The following NAV2 variants were observed in gnomAD, a reference collection of about 807,000 sequenced individuals.
NAV2 encodes the protein helicase, APC down-regulated 1.
In NAV2, 54 loss-of-function variants were observed where a neutral mutation model predicts 223.2. That is an observed-to-expected ratio of 0.24 (90% CI 0.19 to 0.30). The LOEUF (loss-of-function observed/expected upper bound fraction) is 0.30. Ranked by LOEUF, NAV2 falls within the 10% of genes least tolerant of loss-of-function variation. The pLI, the probability that NAV2 is intolerant of heterozygous loss-of-function variation, is 1.00. For synonymous variants in NAV2, 1,279 were observed against 1,239.3 expected (o/e 1.03, Z -0.67); for missense variants, 2,806 against 3,147.5 (o/e 0.89, Z 2.60).
chr11:19,406,520 G>T (rs138675648), intron 1 of NAV2, among the ~76,000 whole-genome samples: 2 of 152,138 alleles, frequency 1.3e-5, no homozygotes, highest in African/African-American at 4.8e-5. Context: ...CTCTCCTCCA[G>T]GCTGGGCTTC....
At chr11:20,037,355 C>T (rs2056484730) in intron 12 of NAV2, among the ~76,000 whole-genome samples, 2 of 142,744 alleles carry the variant, frequency 1.4e-5, no homozygotes, top group Admixed American at 1.5e-4. Flanking sequence ...GGTATCTCTT[C>T]TTTGACAATA....
intron 1 of NAV2, among the ~76,000 whole-genome samples, chr11:19,693,221 A>G (rs1292090350): frequency 6.6e-6 from 1 of 152,222 alleles, no homozygotes; most frequent in Non-Finnish European, 1.5e-5. Context: ...CACCCTCCAC[A>G]GGGTCCCCTC....
intron 8 of NAV2, among the ~76,000 whole-genome samples, chr11:19,941,566 T>A (rs2046406448): frequency 6.6e-6 from 1 of 152,080 alleles, no homozygotes; most frequent in African/African-American, 2.4e-5. Flanking sequence ...TGCTTAGTTC[T>A]TCCTCTTACT....
chr11:20,041,534 G>A (rs1055211016), intron 12 of NAV2, among the ~76,000 whole-genome samples: 3 of 152,128 alleles, frequency 2.0e-5, no homozygotes, highest in African/African-American at 4.8e-5. Context: ...AACATTAAAA[G>A]AATAAATAAT....
intron 1 of NAV2, among the ~76,000 whole-genome samples, chr11:19,636,677 AC>A (rs2047512103): frequency 6.6e-6 from 1 of 151,926 alleles, no homozygotes; most frequent in Non-Finnish European, 1.5e-5. Context: ...TCACCATGTT[AC>A]CCAGGATGGT....
At chr11:19,746,876 T>C (rs187883404) in intron 1 of NAV2, among the ~76,000 whole-genome samples, 1 of 152,278 alleles carries the variant, frequency 6.6e-6, no homozygotes, top group Non-Finnish European at 1.5e-5. Context: ...CTACCTTTTA[T>C]TGAACACTCT....
At chr11:19,483,073 C>T (rs2042329564) in intron 1 of NAV2, among the ~76,000 whole-genome samples, 1 of 152,204 alleles carries the variant, frequency 6.6e-6, no homozygotes, top group African/African-American at 2.4e-5. Context: ...TTGCCAGACA[C>T]AGTGTTAAGT....
intron 6 of NAV2, among the ~76,000 whole-genome samples, chr11:19,904,539 T>C (rs2028605): frequency 0.97 from 147,632 of 152,258 alleles, 71,742 homozygotes; most frequent in East Asian, 1. Context: ...ATTGTGCCCA[T>C]GATCCCCATT....
intron 36 of NAV2, among the ~76,000 whole-genome samples, chr11:20,113,089 G>A (rs543880167): frequency 6.6e-6 from 1 of 152,316 alleles, no homozygotes; most frequent in Admixed American, 6.5e-5. Context: ...CACTGCCCTG[G>A]CTGTGAGCAT....
chr11:20,066,232 G>T (rs2059034634), intron 20 of NAV2, among the ~76,000 whole-genome samples: 1 of 152,146 alleles, frequency 6.6e-6, no homozygotes, highest in Non-Finnish European at 1.5e-5. Context: ...CTCTATCTTA[G>T]GTTCTTAAAA....
At chr11:19,636,086 C>T (rs1204854433) in intron 1 of NAV2, among the ~76,000 whole-genome samples, 1 of 152,194 alleles carries the variant, frequency 6.6e-6, no homozygotes, top group Non-Finnish European at 1.5e-5. Context: ...AAGCCTGAAT[C>T]TCACCTATTA....
intron 1 of NAV2, among the ~76,000 whole-genome samples, chr11:19,439,944 A>T (rs965804174): frequency 3.9e-5 from 6 of 152,228 alleles, no homozygotes; most frequent in African/African-American, 1.4e-4. Context: ...AAATTGGTTT[A>T]AAAAAATTAA....
At chr11:19,576,218 ACCCACTTGG>A (rs2045566143) in intron 1 of NAV2, among the ~76,000 whole-genome samples, 1 of 152,170 alleles carries the variant, frequency 6.6e-6, no homozygotes, top group African/African-American at 2.4e-5. Context: ...AAGGGATCAG[ACCCACTTGG>A]CCAGAGACTG....
At chr11:20,002,465 C>G (rs1279839786) in intron 11 of NAV2, among the ~76,000 whole-genome samples, 1 of 152,060 alleles carries the variant, frequency 6.6e-6, no homozygotes, top group Non-Finnish European at 1.5e-5. Context: ...ATTCAGAGGG[C>G]AGAACAAGAG....
chr11:19,653,579 T>C (rs1825079060), intron 1 of NAV2, among the ~76,000 whole-genome samples: 1 of 152,182 alleles, frequency 6.6e-6, no homozygotes. Context: ...CTCATGCTGT[T>C]TCTGTCCAAT....
chr11:19,405,812 C>T (rs757172219), intron 1 of NAV2, among the ~76,000 whole-genome samples: 4 of 152,206 alleles, frequency 2.6e-5, no homozygotes, highest in Non-Finnish European at 1.5e-5. Context: ...TGATTGTTCT[C>T]ATTTTCTCTC....
chr11:19,564,677 A>G (rs1175120282), intron 1 of NAV2, among the ~76,000 whole-genome samples: 1 of 141,418 alleles, frequency 7.1e-6, no homozygotes, highest in East Asian at 2.0e-4. Context: ...GCCGTCCCCT[A>G]GAAATCAGGG....
At chr11:19,989,285 G>C (rs1565712206) in intron 11 of NAV2, among the ~76,000 whole-genome samples, 1 of 152,182 alleles carries the variant, frequency 6.6e-6, no homozygotes, top group Admixed American at 6.5e-5. Context: ...AGAGGAGGAG[G>C]TCAGAATGAT....
intron 1 of NAV2, among the ~76,000 whole-genome samples, chr11:19,356,420 C>T (rs934962157): frequency 6.6e-6 from 1 of 152,192 alleles, no homozygotes; most frequent in Admixed American, 6.5e-5. Flanking sequence ...CCAGCCGCAG[C>T]ATGAGGCACT....
Sources: allele counts gnomAD v4.1 joint callset (sites outside exome capture counted in the v4.1 genomes callset), GRCh38; gene constraint gnomAD v4.1.1; transcripts MANE v1.5; gene names NCBI Gene and HGNC (gene_info 2026-07-23, HGNC 2026-07-21).